Variants in KRT80 observed in about 807,000 individuals in gnomAD.
KRT80 encodes keratin 80.
Under a neutral mutation model 51.5 loss-of-function variants are expected in KRT80, and 36 were observed. That is an observed-to-expected ratio of 0.70 (90% CI 0.54 to 0.92). The LOEUF (loss-of-function observed/expected upper bound fraction) is 0.92. Among genes scored for constraint, KRT80 ranks in the 40% least tolerant of loss-of-function variants. KRT80 has a pLI of 0.00. For missense variants in KRT80, 566 were observed against 591.7 expected (o/e 0.96, Z 0.45); for synonymous variants, 235 against 248.3 (o/e 0.95, Z 0.50).
intron 1 of KRT80, among the ~76,000 whole-genome samples, chr12:52,187,821 G>T (rs1941428457): frequency 6.6e-6 from 1 of 152,162 alleles, no homozygotes; most frequent in African/African-American, 2.4e-5. Flanking sequence ...TGACAAGCAG[G>T]AGCCCCATGT....
intron 2 of KRT80, among the ~76,000 whole-genome samples, chr12:52,183,028 G>A (rs1002833829): frequency 2.0e-5 from 3 of 152,186 alleles, no homozygotes; most frequent in Admixed American, 6.5e-5. Flanking sequence ...TTGGATTTCA[G>A]TCCCTATCCA....
intron 1 of KRT80, 90 bp from the exon 2 acceptor site, chr12:52,185,677 TCC>T: frequency 6.5e-7 from 1 of 1,542,744 alleles, no homozygotes; most frequent in Non-Finnish European, 8.7e-7. Flanking sequence ...CACGGAGGGC[TCC>T]CTGGGAAGTG....
At position 52,170,060 on chromosome 12, in the gene KRT80, T is replaced by G. The variant is rs1158717434; in HGVS notation, c.*1338A>C. The G allele has an allele frequency of 6.6e-6, 1 of 152,466 alleles. No homozygotes were observed. Among genetic ancestry groups the G allele is most frequent in the African/African-American group, 2.4e-5 (1 of 41,468 alleles). The allele number at this position is 152,466 out of a possible 1,614,324, so 9.4% of individuals were successfully genotyped here. A position where few individuals can be genotyped will look rare whatever the true frequency, so the allele number is the denominator to read the frequency against. On this transcript the variant is annotated 3_prime_UTR_variant, in exon 9 of 9. Transcript: ENST00000394815. ...GAGGCTGGTGCCGCTGGGATGCCTC[T>G]GCAAGCCTCAGCATTGAGAGCCAAG... is the stretch of plus-strand genomic sequence containing the variant.
At chr12:52,177,367 C>A (rs779370924) in intron 4 of KRT80, among the ~76,000 whole-genome samples, 16 of 152,154 alleles carry the variant, frequency 1.1e-4, no homozygotes, top group Non-Finnish European at 2.1e-4. Context: ...CGAGGTGTGC[C>A]TGGCTGCAGG....
At chr12:52,175,124 T>A (rs1941197212) in intron 4 of KRT80, among the ~76,000 whole-genome samples, 4 of 152,242 alleles carry the variant, frequency 2.6e-5, no homozygotes, top group Admixed American at 2.6e-4. Context: ...CATCATTTTT[T>A]AAATGTGTTT....
intron 4 of KRT80, among the ~76,000 whole-genome samples, chr12:52,180,162 C>T (rs551237791): frequency 3.6e-4 from 55 of 152,350 alleles, no homozygotes; most frequent in African/African-American, 1.2e-3. Flanking sequence ...TCAGCATGCT[C>T]GTTCCAGACC....
intron 6 of KRT80, 63 bp from the exon 7 acceptor site, chr12:52,172,481 C>T (rs1413033232): frequency 2.0e-6 from 3 of 1,463,722 alleles, no homozygotes; most frequent in Non-Finnish European, 1.9e-6. Flanking sequence ...GGGCCAGGGC[C>T]AGGAGTCGTC....
At chr12:52,175,022 A>G (rs1941195548) in intron 4 of KRT80, among the ~76,000 whole-genome samples, 1 of 152,138 alleles carries the variant, frequency 6.6e-6, no homozygotes, top group Non-Finnish European at 1.5e-5. Flanking sequence ...TTGGGTGCAG[A>G]CACATCATGC....
intron 4 of KRT80, among the ~76,000 whole-genome samples, chr12:52,179,378 G>T (rs1470778215): frequency 6.6e-6 from 1 of 152,194 alleles, no homozygotes; most frequent in African/African-American, 2.4e-5. Flanking sequence ...GCCTGGCTGT[G>T]GGGGGATTTG....
intron 7 of KRT80, 134 bp downstream of exon 7, chr12:52,172,064 T>G: frequency 1.1e-6 from 1 of 924,658 alleles, no homozygotes. Flanking sequence ...AGTTTGTAAG[T>G]GACTAAGCCA....
chr12:52,173,178 A>G lies in KRT80; in HGVS notation c.832-15T>C. On this transcript the variant is annotated splice_polypyrimidine_tract_variant and intron_variant, in intron 5 of 8. Transcript: ENST00000394815. ...TGCTCCTCCAGCTGGAGGTACATGG[A>G]GGTCTCAGTGAGGGGCAGCTCAGTG... The G allele has an allele frequency of 1.2e-6, 2 of 1,600,076 alleles. No individual in the cohort carries two copies. Among genetic ancestry groups the G allele is most frequent in the South Asian group, 1.1e-5 (1 of 89,756 alleles).
chr12:52,173,192 G>T, intron 5 of KRT80, 29 bp from the exon 6 acceptor site: 1 of 1,586,350 alleles, frequency 6.3e-7, no homozygotes, highest in South Asian at 1.1e-5. Context: ...CTCAGTGAGG[G>T]GCAGCTCAGT....
At chr12:52,172,781 G>A (rs1416681894) in intron 6 of KRT80, among the ~76,000 whole-genome samples, 1 of 152,178 alleles carries the variant, frequency 6.6e-6, no homozygotes, top group African/African-American at 2.4e-5. Context: ...TGGGCTCTGG[G>A]TGTGTGTAGT....
rs762397326 is a variant in KRT80, at chr12:52,173,703, C to T, written c.728G>A (p.Arg243His). 74 of 1,612,340 alleles carry T rather than the reference C, an allele frequency of 4.6e-5. 1 individual carries two copies. Among genetic ancestry groups the T allele is most frequent in the Admixed American group, 3.7e-4 (22 of 60,010 alleles). The stretch of plus-strand genomic sequence containing the variant: ...GATGCCGCTCAGGTCGATGTGGCAG[C>T]GGCTGTCCATGCCGACGGTCACCGA... Reference protein sequence around the residue: ...DVSVTVGMDSRCHIDLSGIVE... With the variant: ...DVSVTVGMDSHCHIDLSGIVE... Residue 243 changes from arginine to histidine, a missense_variant, in exon 5 of 9, where the codon CGC becomes CAC. Arg to His is a conservative substitution (Grantham distance 29, BLOSUM62 0). Coordinates refer to ENST00000394815, the MANE Select transcript of KRT80 (RefSeq NM_182507.3).
rs766730308 is a variant in KRT80, at chr12:52,172,200, G to A, written c.1176C>T (p.Gly392=). 1.2e-6 allele frequency: 2 copies of A among 1,613,382 alleles called. No individual in the cohort carries two copies. Among genetic ancestry groups the A allele is most frequent in the South Asian group, 2.2e-5 (2 of 91,042 alleles). Reference sequence around the variant, plus strand: ...TCCTCACCAGCCCTGGCTCTCACCTGCCCTCCTCGCCCTCCACCAGCTTCC... The same window carrying A: ...TCCTCACCAGCCCTGGCTCTCACCTACCCTCCTCGCCCTCCACCAGCTTCC... The part of the protein sequence containing the change: ...TYRKLVEGEE[G]RMDSPSATVV... The change falls in exon 7 of 9, where the codon GGC becomes GGT. Residue 392 remains glycine, a splice_region_variant and synonymous_variant. Transcript: ENST00000394815.
Position 52,173,719 on chromosome 12 carries a change from C to T in KRT80, c.712G>A (p.Val238Ile), listed in dbSNP as rs35725856. The change falls in exon 5 of 9, where the codon GTC becomes ATC. Residue 238 changes from valine to isoleucine, a missense_variant. By Grantham distance (29) the Val-to-Ile change is conservative. Transcript: ENST00000394815. ...AAQVKDVSVT[V>I]GMDSRCHIDL... ...ATGTGGCAGCGGCTGTCCATGCCGA[C>T]GGTCACCGACACATCCTTCACCTGT... The T allele has an allele frequency of 2.4e-3, 3,888 of 1,612,312 alleles. 76 individuals are homozygous for T. The African/African-American group carries it at 0.045, about 19-fold the overall frequency.
chr12:52,171,844 C>T, intron 7 of KRT80, 131 bp from the exon 8 acceptor site: 1 of 686,022 alleles, frequency 1.5e-6, no homozygotes, highest in Non-Finnish European at 2.5e-6. Flanking sequence ...TGGGGTTGCC[C>T]TGTTGTGTGG....
At chr12:52,189,418 G>A (rs10876243) in intron 1 of KRT80, among the ~76,000 whole-genome samples, 17,033 of 152,232 alleles carry the variant, frequency 0.11, 1,967 homozygotes, top group East Asian at 0.55. Context: ...TACCAGATAT[G>A]TTCTAAATTC....
In KRT80 at chr12:52,185,605, C is replaced by T. The variant is rs202070904; in HGVS notation, c.301-18G>A. On this transcript the variant is annotated intron_variant, in intron 1 of 8. Coordinates refer to ENST00000394815, the MANE Select transcript of KRT80 (RefSeq NM_182507.3). ...GCTTGCACCTGGGAGAGCAGGAAGG[C>T]GGCGAATGGGTCAGGTGTGGACCAG... is the stretch of plus-strand genomic sequence containing the variant. 76 of 1,601,292 alleles carry T rather than the reference C, an allele frequency of 4.7e-5. No individual in the cohort carries two copies. In the Admixed American group the frequency reaches 5.0e-4, roughly 11 times the overall value.
Sources: allele counts gnomAD v4.1 joint callset (sites outside exome capture counted in the v4.1 genomes callset), GRCh38; gene constraint gnomAD v4.1.1; transcripts MANE v1.5; gene names NCBI Gene and HGNC (gene_info 2026-07-23, HGNC 2026-07-21).